NLGN1: variants seen among roughly 807,000 people sequenced by gnomAD.
NLGN1 encodes neuroligin 1.
Under a neutral mutation model 65.5 loss-of-function variants are expected in NLGN1, and 12 were observed. That is an observed-to-expected ratio of 0.18 (90% CI 0.12 to 0.30). NLGN1 has a LOEUF of 0.30. Ranked by LOEUF, NLGN1 falls within the 10% of genes least tolerant of loss-of-function variation. NLGN1 has a pLI of 1.00. For synonymous variants in NLGN1, 350 were observed against 359.5 expected (o/e 0.97, Z 0.30); for missense variants, 750 against 1,007.1 (o/e 0.74, Z 3.46).
At chr3:173,954,737 G>A (rs1711562240) in intron 4 of NLGN1, among the ~76,000 whole-genome samples, 1 of 152,052 alleles carries the variant, frequency 6.6e-6, no homozygotes, top group Non-Finnish European at 1.5e-5. Flanking sequence ...AACCAAGGTT[G>A]CTCTTTCCAA....
At chr3:174,031,015 A>C (rs1205140063) in intron 4 of NLGN1, among the ~76,000 whole-genome samples, 1 of 152,218 alleles carries the variant, frequency 6.6e-6, no homozygotes, top group African/African-American at 2.4e-5. Context: ...AGGTGAAGAA[A>C]TTTAAGGGAA....
chr3:174,153,821 T>G (rs1214047079), intron 4 of NLGN1, among the ~76,000 whole-genome samples: 1 of 152,018 alleles, frequency 6.6e-6, no homozygotes, highest in Non-Finnish European at 1.5e-5. Flanking sequence ...AATGAGACCT[T>G]GTCTCTACAA....
intron 4 of NLGN1, among the ~76,000 whole-genome samples, chr3:174,198,719 G>A (rs73038822): frequency 0.027 from 4,081 of 151,614 alleles, 177 homozygotes; most frequent in African/African-American, 0.094. Flanking sequence ...TTACCTTTAT[G>A]GTAATTAAGT....
At chr3:173,578,337 C>T (rs1745865248) in intron 2 of NLGN1, among the ~76,000 whole-genome samples, 1 of 151,934 alleles carries the variant, frequency 6.6e-6, no homozygotes, top group Admixed American at 6.6e-5. Flanking sequence ...AGAAGATGCT[C>T]ATTAAGTTGC....
chr3:173,694,827 T>A (rs979594075), intron 3 of NLGN1, among the ~76,000 whole-genome samples: 3 of 152,184 alleles, frequency 2.0e-5, no homozygotes, highest in African/African-American at 7.2e-5. Context: ...ACATGCAGCA[T>A]GTGCACAACC....
chr3:173,631,533 G>T (rs116446152), intron 3 of NLGN1, among the ~76,000 whole-genome samples: 1,627 of 152,202 alleles, frequency 0.011, 34 homozygotes, highest in African/African-American at 0.037. Flanking sequence ...AGGCTACCAG[G>T]AGTAAGGATT....
At chr3:174,122,903 A>C (rs2152650403) in intron 4 of NLGN1, among the ~76,000 whole-genome samples, 1 of 152,150 alleles carries the variant, frequency 6.6e-6, no homozygotes, top group South Asian at 2.1e-4. Flanking sequence ...TTGTTAATAA[A>C]AATAAAATGT....
intron 4 of NLGN1, among the ~76,000 whole-genome samples, chr3:174,150,191 A>T (rs1440036057): frequency 6.6e-6 from 1 of 152,160 alleles, no homozygotes; most frequent in East Asian, 1.9e-4. Context: ...AAATATCAGA[A>T]ATATGACCAC....
chr3:174,166,540 A>C (rs547584837), intron 4 of NLGN1, among the ~76,000 whole-genome samples: 1 of 152,054 alleles, frequency 6.6e-6, no homozygotes, highest in South Asian at 2.1e-4. Flanking sequence ...CCATGGTCCA[A>C]GAGTGTGGTT....
Position 173,859,931 on chromosome 3 carries a change from T to C in NLGN1, c.646+52099T>C, listed in dbSNP as rs576964810. ...TACGCTTTCATTTTATTTCTAACTT[T>C]AAAAAATGTGTGCTCTCTTATTTTC... On this transcript the variant is annotated intron_variant, in intron 4 of 6. Transcript: ENST00000457714. 1.6e-4 allele frequency among the ~76,000 whole-genome samples: 24 copies of C among 152,144 alleles called. No homozygotes were observed. The South Asian group carries it at 4.3e-3, about 28-fold the overall frequency.
chr3:173,446,851 A>C (rs1174134773), intron 2 of NLGN1, among the ~76,000 whole-genome samples: 1 of 152,206 alleles, frequency 6.6e-6, no homozygotes, highest in Non-Finnish European at 1.5e-5. Flanking sequence ...TTTTGGCTGC[A>C]TAAATGTCTT....
chr3:173,420,998 CTT>C (rs1406519798), intron 1 of NLGN1, among the ~76,000 whole-genome samples: 1 of 152,020 alleles, frequency 6.6e-6, no homozygotes, highest in African/African-American at 2.4e-5. Context: ...ATTAATTACT[CTT>C]CTTTTTTCAG....
rs565849876 is a variant in NLGN1 at position 173,999,580 on chromosome 3, C to T, written c.646+191748C>T. Among the ~76,000 whole-genome samples, 19 of 152,224 alleles carry T rather than the reference C, an allele frequency of 1.2e-4. No individual in the cohort carries two copies. The South Asian group carries it at 3.7e-3, about 30-fold the overall frequency. On this transcript the variant is annotated intron_variant, in intron 4 of 6. Coordinates refer to ENST00000457714, the Ensembl canonical transcript of NLGN1. ...CATAGAATATGTTTGGAAAAAAATA[C>T]TGACCTTTATTCTCCAACCACCACT...
chr3:174,111,031 G>C (rs1715105778), intron 4 of NLGN1, among the ~76,000 whole-genome samples: 1 of 151,930 alleles, frequency 6.6e-6, no homozygotes, highest in Admixed American at 6.6e-5. Flanking sequence ...CCAGCATTAA[G>C]CAACAGTAAT....
intron 4 of NLGN1, among the ~76,000 whole-genome samples, chr3:173,870,205 A>G (rs1010351218): frequency 1.3e-5 from 2 of 152,222 alleles, no homozygotes; most frequent in African/African-American, 4.8e-5. Context: ...TCTGTTATTA[A>G]GTTGCATGTA....
intron 4 of NLGN1, among the ~76,000 whole-genome samples, chr3:174,171,976 C>T (rs954575461): frequency 2.6e-5 from 4 of 151,868 alleles, no homozygotes; most frequent in Non-Finnish European, 2.9e-5. Context: ...TTACTGAGAC[C>T]CAAATTCTAA....
intron 3 of NLGN1, among the ~76,000 whole-genome samples, chr3:173,795,775 C>G (rs1400906320): frequency 6.6e-6 from 1 of 151,866 alleles, no homozygotes; most frequent in Non-Finnish European, 1.5e-5. Context: ...TAAATTTTAC[C>G]CCAAGAGAAT....
chr3:174,071,695 G>T (rs1739911135), intron 4 of NLGN1, among the ~76,000 whole-genome samples: 1 of 142,484 alleles, frequency 7.0e-6, no homozygotes, highest in Non-Finnish European at 1.5e-5. Flanking sequence ...GACACAGCGA[G>T]ACCCTTTGCG....
intron 2 of NLGN1, among the ~76,000 whole-genome samples, chr3:173,466,142 G>A (rs1724307619): frequency 6.6e-6 from 1 of 152,160 alleles, no homozygotes; most frequent in Non-Finnish European, 1.5e-5. Context: ...AAAGATGAAA[G>A]ACATATTCAT....
Sources: gnomAD v4.1 joint callset for allele counts (sites outside exome capture counted in the v4.1 genomes callset) on GRCh38, gnomAD v4.1.1 for gene constraint, MANE v1.5 for transcripts, NCBI Gene and HGNC (gene_info 2026-07-23, HGNC 2026-07-21) for gene names.